PDE1A: variants seen among roughly 807,000 people sequenced by gnomAD.
PDE1A encodes phosphodiesterase 1A, also known as dual specificity calcium/calmodulin-dependent 3',5'-cyclic nucleotide phosphodiesterase 1A.
In PDE1A, 35 loss-of-function variants were observed where a neutral mutation model predicts 61.7. That is an observed-to-expected ratio of 0.57 (90% CI 0.43 to 0.75). The LOEUF is 0.75. PDE1A is among the 30% of genes least tolerant of loss of function. The pLI is 0.00. For missense variants in PDE1A, 597 were observed against 630.6 expected (o/e 0.95, Z 0.57); for synonymous variants, 232 against 213.2 (o/e 1.09, Z -0.77).
chr2:182,679,708 T>C, the PDE1A span, among the ~76,000 whole-genome samples: 1 of 152,310 alleles, frequency 6.6e-6, no homozygotes, highest in African/African-American at 2.4e-5. Context: ...TCTAGAGCCA[T>C]TTCATGAAGA....
intron 2 of PDE1A, among the ~76,000 whole-genome samples, chr2:182,443,460 TG>T (rs1684921824): frequency 6.6e-6 from 1 of 151,978 alleles, no homozygotes; most frequent in Non-Finnish European, 1.5e-5. Flanking sequence ...TATTTGATCA[TG>T]GGGGCGGATC....
chr2:182,220,683 A>T lies in PDE1A; in HGVS notation c.776+3181T>A, dbSNP rs368208063. 3.0e-4 allele frequency among the ~76,000 whole-genome samples: 46 copies of T among 152,220 alleles called. No homozygotes were observed. In the South Asian group the frequency reaches 8.5e-3, roughly 28 times the overall value. On this transcript the variant is annotated intron_variant, in intron 7 of 13. Coordinates refer to ENST00000351439, the Ensembl canonical transcript of PDE1A. ...ACTTTCAAGGATTTCATGCATTATA[A>T]TATCTGCATTGAACTCAAATCTAGC...
intron 1 of PDE1A, among the ~76,000 whole-genome samples, chr2:182,350,907 G>A (rs1301374429): frequency 2.0e-5 from 3 of 152,034 alleles, no homozygotes; most frequent in Admixed American, 2.0e-4. Context: ...ATAATATTCT[G>A]CTCCCTGATT....
exon 1 of PDE1A, chr2:182,426,959 G>C: frequency 1.9e-6 from 2 of 1,047,138 alleles, no homozygotes; most frequent in Non-Finnish European, 2.3e-6. Context: ...TCCTACCCCA[G>C]TGTCATCCAG....
chr2:182,560,425 G>A, the PDE1A span, among the ~76,000 whole-genome samples: 1 of 151,194 alleles, frequency 6.6e-6, no homozygotes, highest in Admixed American at 6.6e-5. Flanking sequence ...AGTATTCCAT[G>A]GTGTATATGT....
chr2:182,224,553 T>C (rs921920332), intron 6 of PDE1A, among the ~76,000 whole-genome samples: 1 of 151,834 alleles, frequency 6.6e-6, no homozygotes, highest in African/African-American at 2.4e-5. Context: ...AATGCTTTCA[T>C]GTAAAAATCC....
intron 7 of PDE1A, among the ~76,000 whole-genome samples, chr2:182,217,796 T>C (rs1244312602): frequency 2.7e-5 from 4 of 150,274 alleles, no homozygotes; most frequent in Non-Finnish European, 4.4e-5. Context: ...TGTGGAGAAA[T>C]AGGAACACTT....
At chr2:182,219,663 C>A (rs574585550) in intron 7 of PDE1A, among the ~76,000 whole-genome samples, 14 of 152,198 alleles carry the variant, frequency 9.2e-5, no homozygotes, top group African/African-American at 2.6e-4. Context: ...CTGCCTCACT[C>A]CAGACTTACT....
the PDE1A span, among the ~76,000 whole-genome samples, chr2:182,630,733 C>G: frequency 6.6e-6 from 1 of 151,824 alleles, no homozygotes; most frequent in Non-Finnish European, 1.5e-5. Context: ...TTATTTATAT[C>G]TCATGTTCTT....
At chr2:182,477,160 T>A (rs1574753501) in intron 2 of PDE1A, among the ~76,000 whole-genome samples, 1 of 151,846 alleles carries the variant, frequency 6.6e-6, no homozygotes, top group African/African-American at 2.4e-5. Flanking sequence ...AGCCAATATA[T>A]CCTATATTGA....
intron 1 of PDE1A, among the ~76,000 whole-genome samples, chr2:182,286,568 C>T (rs1372266630): frequency 1.3e-5 from 2 of 152,120 alleles, no homozygotes; most frequent in Admixed American, 1.3e-4. Flanking sequence ...TGATTTCGGA[C>T]CTAAGCTCTT....
At chr2:182,536,073 T>C in the PDE1A span, among the ~76,000 whole-genome samples, 1 of 152,202 alleles carries the variant, frequency 6.6e-6, no homozygotes, top group Non-Finnish European at 1.5e-5. Flanking sequence ...CATTATGGCA[T>C]TTGTATGGCT....
At chr2:182,286,340 G>GT (rs1009280625) in intron 1 of PDE1A, among the ~76,000 whole-genome samples, 13 of 151,576 alleles carry the variant, frequency 8.6e-5, no homozygotes, top group South Asian at 2.1e-4. Flanking sequence ...TTTCAATCAA[G>GT]TTTTTTTTTA....
At chr2:182,442,023 G>A (rs546990205) in intron 2 of PDE1A, among the ~76,000 whole-genome samples, 2 of 152,084 alleles carry the variant, frequency 1.3e-5, no homozygotes, top group South Asian at 4.1e-4. Flanking sequence ...AAACCACTGG[G>A]TGAAAATTTG....
At chr2:182,381,882 GAT>G (rs905320497) in intron 1 of PDE1A, among the ~76,000 whole-genome samples, 26 of 151,810 alleles carry the variant, frequency 1.7e-4, no homozygotes, top group Middle Eastern at 3.4e-3. Flanking sequence ...TAACCATTTA[GAT>G]ATGTTTTAAT....
chr2:182,359,059 A>G (rs1699356805), intron 1 of PDE1A, among the ~76,000 whole-genome samples: 2 of 150,830 alleles, frequency 1.3e-5, no homozygotes, highest in South Asian at 2.1e-4. Flanking sequence ...AATACTTACT[A>G]TAATTCCTAA....
chr2:182,676,405 A>G, the PDE1A span, among the ~76,000 whole-genome samples: 1 of 152,126 alleles, frequency 6.6e-6, no homozygotes, highest in South Asian at 2.1e-4. Context: ...TGAGCTCTGA[A>G]ATTGAATCAG....
intron 2 of PDE1A, among the ~76,000 whole-genome samples, chr2:182,481,997 T>A (rs540562261): frequency 1.1e-4 from 17 of 152,044 alleles, no homozygotes; most frequent in African/African-American, 4.1e-4. Flanking sequence ...CTTTACATTC[T>A]GAGATCCCCT....
At chr2:182,264,243 G>T in intron 2 of PDE1A, 58 bp downstream of exon 2, 1 of 1,171,916 alleles carries the variant, frequency 8.5e-7, no homozygotes, top group South Asian at 1.4e-5. Flanking sequence ...GGTCAAGAAA[G>T]AGGAAGAAAA....
Sources: allele counts gnomAD v4.1 joint callset (sites outside exome capture counted in the v4.1 genomes callset), GRCh38; gene constraint gnomAD v4.1.1; transcripts MANE v1.5; gene names NCBI Gene and HGNC (gene_info 2026-07-23, HGNC 2026-07-21).